Variants in TONSL observed in about 807,000 individuals in gnomAD.
The protein encoded by TONSL is tonsoku-like protein.
Under a neutral mutation model 147.1 loss-of-function variants are expected in TONSL, and 112 were observed. The ratio of observed to expected loss-of-function variants is 0.76; its 90% CI spans 0.65 to 0.89. The LOEUF (loss-of-function observed/expected upper bound fraction) is 0.89. Among genes scored for constraint, TONSL ranks in the 40% least tolerant of loss-of-function variants. The probability of loss-of-function intolerance (pLI) is 0.00; values close to 1 mark genes in which losing one functional copy is unlikely to be tolerated. For missense variants in TONSL, 1,883 were observed against 1,864.6 expected (o/e 1.01, Z -0.18); for synonymous variants, 868 against 801.5 (o/e 1.08, Z -1.40).
Position 144,442,723 on chromosome 8 carries a change from T to C in TONSL, c.532A>G (p.Thr178Ala), listed in dbSNP as rs1348708443. ...CTGAAGTAATCGTTGCACAGGGCTG[T>C]CTGCTGCAGGCTCTCAAAGGTGAGG... is the stretch of plus-strand genomic sequence containing the variant. The part of the protein sequence containing the change: ...LGLTFESLQQ[T>A]ALCNDYFRKS... The change falls in exon 5 of 26, where the codon ACA becomes GCA. Residue 178 changes from threonine to alanine, a missense_variant. Physicochemically the swap from Thr to Ala is moderately conservative, Grantham distance 58. Coordinates refer to ENST00000409379, the MANE Select transcript of TONSL (RefSeq NM_013432.5). 6.2e-7 allele frequency: 1 copy of C among 1,613,008 alleles called. No individual in the cohort carries two copies. Among genetic ancestry groups the C allele is most frequent in the African/African-American group, 1.3e-5 (1 of 75,050 alleles).
chr8:144,431,134 G>A lies in TONSL; in HGVS notation c.3753C>T (p.Ala1251=). The A allele has an allele frequency of 2.5e-6, 4 of 1,614,106 alleles. No homozygotes were observed. In the South Asian group the frequency reaches 3.3e-5, roughly 13 times the overall value. The change falls in exon 24 of 26, where the codon GCC becomes GCT. Residue 1251 remains alanine (A), a synonymous_variant. Coordinates refer to ENST00000409379, the MANE Select transcript of TONSL (RefSeq NM_013432.5). ...GGTGGTTTGCAGACAGGGTCAGGTG[G>A]GCTAGAGCACAGCCTTCCTGGACAT... The part of the protein sequence containing the change: ...RYLAKEGCAL[A]HLTLSANHLG...
chr8:144,437,513 C>G (rs1180787390), intron 13 of TONSL, among the ~76,000 whole-genome samples: 3 of 152,058 alleles, frequency 2.0e-5, no homozygotes, highest in Non-Finnish European at 4.4e-5. Flanking sequence ...AGGCTGGTCT[C>G]AAGCTCCTGA....
At position 144,441,065 on chromosome 8, in the gene TONSL, G is replaced by C. The variant is rs937067257; in HGVS notation, c.912C>G (p.Gly304=). 1 of 1,612,794 alleles carries C rather than the reference G, an allele frequency of 6.2e-7. No homozygotes were observed. Among genetic ancestry groups the C allele is most frequent in the Non-Finnish European group, 8.5e-7 (1 of 1,179,992 alleles). ...RLQQQLEEAE[G]RDPQGAMVIC... is the part of the protein sequence containing the mutation. Reference sequence around the variant, plus strand: ...TGACCATGGCACCCTGAGGGTCTCTGCCCTCAGCCTCTTCCAGCTGTTGCT... The same window carrying C: ...TGACCATGGCACCCTGAGGGTCTCTCCCCTCAGCCTCTTCCAGCTGTTGCT... Residue 304 remains glycine, a synonymous_variant, in exon 8 of 26, where the codon GGC becomes GGG. Transcript: ENST00000409379.
At chr8:144,441,724 G>A (rs1823727682) in intron 7 of TONSL, 1 of 330,590 alleles carries the variant, frequency 3.0e-6, no homozygotes, top group African/African-American at 2.2e-5. Context: ...ACCCTGGGAG[G>A]CTAGGGGTAC....
chr8:144,438,083 T>TG (rs948333940), intron 13 of TONSL: 1 of 240,074 alleles, frequency 4.2e-6, no homozygotes, highest in Non-Finnish European at 8.2e-6. Context: ...TTAAATTTCT[T>TG]GGAGACAAGG....
chr8:144,435,950 T>C lies in TONSL; in HGVS notation c.2483A>G (p.Glu828Gly). ...LAPQAALIPEEECLAGDWLEL... is the reference protein window; with the variant it reads ...LAPQAALIPEGECLAGDWLEL... ...CAGCCAGTCCCCGGCCAGGCACTCCTCCTCCGGGATGAGCGCTGCCTGGGG... is the reference window on the plus strand; with the variant it reads ...CAGCCAGTCCCCGGCCAGGCACTCCCCCTCCGGGATGAGCGCTGCCTGGGG... Residue 828 changes from glutamate (E) to glycine (G), a missense_variant, in exon 17 of 26, where the codon GAG (glutamate) becomes GGG (glycine). By Grantham distance (98) the Glu-to-Gly change is moderately conservative. Transcript: ENST00000409379. 1 of 1,562,278 alleles carries C rather than the reference T, an allele frequency of 6.4e-7. No individual in the cohort carries two copies. Among genetic ancestry groups the C allele is most frequent in the Non-Finnish European group, 8.7e-7 (1 of 1,152,766 alleles).
At position 144,436,622 on chromosome 8, in the gene TONSL, G is replaced by A; in HGVS notation, c.1950C>T (p.Asp650=). The A allele has an allele frequency of 6.2e-7, 1 of 1,612,082 alleles. No homozygotes were observed. Among genetic ancestry groups the A allele is most frequent in the Non-Finnish European group, 8.5e-7 (1 of 1,179,940 alleles). The change falls in exon 16 of 26, where the codon GAC becomes GAT. Residue 650 remains aspartate (D), a synonymous_variant. Transcript: ENST00000409379. ...QWVKLYRRDL[D]LETRQKARAM... ...CCCTGGCCTTCTGCCGCGTCTCCAG[G>A]TCCAGGTCCCTGCGGTACAGCTTCA...
At position 144,436,763 on chromosome 8, in the gene TONSL, A is replaced by G. The variant is rs1263118260; in HGVS notation, c.1884T>C (p.Thr628=). 2.5e-6 allele frequency: 4 copies of G among 1,610,596 alleles called. No individual in the cohort carries two copies. Among genetic ancestry groups the G allele is most frequent in the Non-Finnish European group, 3.4e-6 (4 of 1,179,400 alleles). The part of the protein sequence containing the change: ...LERGASVTLR[T]RKGLSPLETL... ...TCTGCCCCACCAGGCTCACCTTTCG[A>G]GTGCGGAGGGTGACGGACGCCCCCC... The change falls in exon 15 of 26, where the codon ACT becomes ACC. Residue 628 remains threonine (T), a synonymous_variant. Transcript: ENST00000409379.
chr8:144,443,977 G>C lies in TONSL; in HGVS notation c.169C>G (p.Arg57Gly). 12 of 1,540,844 alleles carry C rather than the reference G, an allele frequency of 7.8e-6. No homozygotes were observed. Among genetic ancestry groups the C allele is most frequent in the Non-Finnish European group, 1.0e-5 (12 of 1,146,616 alleles). The change falls in exon 3 of 26, where the codon CGG (arginine) becomes GGG (glycine). Residue 57 changes from arginine to glycine, a missense_variant. Arg to Gly is a moderately radical substitution (Grantham distance 125). Coordinates refer to ENST00000409379, the MANE Select transcript of TONSL (RefSeq NM_013432.5). ...LEQHWQELQL[R>G]ERADDPLGCA... ...CCCAGAGGGTCGTCAGCGCGCTCCC[G>C]AAGCTGCAGCTCCTGCCAGTGCTGC...
intron 5 of TONSL, 114 bp downstream of exon 5, chr8:144,442,563 G>T (rs575457312): frequency 1.3e-6 from 2 of 1,501,788 alleles, no homozygotes; most frequent in Admixed American, 2.0e-5. Flanking sequence ...GAGGTGGGGG[G>T]ATGAGGCCCA....
chr8:144,438,660 C>A lies in TONSL; in HGVS notation c.1556G>T (p.Gly519Val), dbSNP rs1315443622. 18 of 1,613,046 alleles carry A rather than the reference C, an allele frequency of 1.1e-5. No individual in the cohort carries two copies. The change falls in exon 12 of 26, where the codon GGG becomes GTG. Residue 519 changes from glycine to valine, a missense_variant. Transcript: ENST00000409379. ...ELQGHLGRRK[G>V]SKWNRRNDMG... ...GCAGGGCACTGTCCTCACCTTGCTC[C>A]CCTTCCGCCGGCCCAGGTGGCCCTG... is the stretch of plus-strand genomic sequence containing the variant.
Position 144,435,747 on chromosome 8 carries a change from T to A in TONSL, c.2686A>T (p.Ser896Cys). 1 of 1,612,876 alleles carries A rather than the reference T, an allele frequency of 6.2e-7. No individual in the cohort carries two copies. The highest frequency in any genetic ancestry group is 8.5e-7 in the Non-Finnish European group (1 of 1,179,906). The change falls in exon 17 of 26, where the codon AGC becomes TGC. Residue 896 changes from serine (S) to cysteine (C), a missense_variant. By Grantham distance (112) the Ser-to-Cys change is moderately radical. Transcript: ENST00000409379. ...SCSAPVNAGP[S>C]SLASEPPGSP... The stretch of plus-strand genomic sequence containing the variant: ...CCTGGAGGTTCTGAAGCCAGGCTGC[T>A]GGGCCCTGCGTTAACTGGCGCACTG...
intron 13 of TONSL, chr8:144,437,885 C>T (rs572488288): frequency 2.6e-4 from 42 of 161,134 alleles, no homozygotes; most frequent in Admixed American, 1.3e-3. Context: ...GGATTATAGA[C>T]ATAAGCCACT....
chr8:144,440,557 A>G, intron 9 of TONSL, 81 bp from the exon 10 acceptor site: 1 of 1,528,528 alleles, frequency 6.5e-7, no homozygotes, highest in Non-Finnish European at 8.8e-7. Context: ...CCGGCTGCCC[A>G]GACGAAATGG....
At position 144,442,261 on chromosome 8, in the gene TONSL, A is replaced by G. The variant is rs1586697057; in HGVS notation, c.730T>C (p.Cys244Arg). 1 of 1,590,066 alleles carries G rather than the reference A, an allele frequency of 6.3e-7. No homozygotes were observed. Among genetic ancestry groups the G allele is most frequent in the Non-Finnish European group, 8.6e-7 (1 of 1,164,102 alleles). The change falls in exon 6 of 26, where the codon TGC becomes CGC. Residue 244 changes from cysteine (C) to arginine (R), a missense_variant. By Grantham distance (180) the Cys-to-Arg change is radical. Coordinates refer to ENST00000409379, the MANE Select transcript of TONSL (RefSeq NM_013432.5). ...GGTACCTGTGCAATAACCACGCAGCACTCGCTCTCCATGAACCGCTTCCTC... is the reference window on the plus strand; with the variant it reads ...GGTACCTGTGCAATAACCACGCAGCGCTCGCTCTCCATGAACCGCTTCCTC... Reference protein sequence around the residue: ...TMRKRFMESECCVVIAQVLQD... With the variant: ...TMRKRFMESERCVVIAQVLQD...
chr8:144,435,393 C>T, intron 18 of TONSL, 81 bp downstream of exon 18: 1 of 1,348,448 alleles, frequency 7.4e-7, no homozygotes, highest in Non-Finnish European at 1.0e-6. Context: ...TCGTCACACG[C>T]CCCACCCTGA....
rs373966287 is a variant in TONSL at position 144,442,284 on chromosome 8, C to G, written c.707G>C (p.Arg236Thr). ...EGARECAHTMRKRFMESECCV... is the reference protein window; with the variant it reads ...EGARECAHTMTKRFMESECCV... ...GCACTCGCTCTCCATGAACCGCTTCCTCATGGTGTGCGCACACTCCCGGGC... is the reference window on the plus strand; with the variant it reads ...GCACTCGCTCTCCATGAACCGCTTCGTCATGGTGTGCGCACACTCCCGGGC... Residue 236 changes from arginine to threonine, a missense_variant, in exon 6 of 26, where the codon AGG becomes ACG. Arg to Thr is a moderately conservative substitution (Grantham distance 71, BLOSUM62 -1). Coordinates refer to ENST00000409379, the MANE Select transcript of TONSL (RefSeq NM_013432.5). 6.3e-7 allele frequency: 1 copy of G among 1,597,526 alleles called. No individual in the cohort carries two copies. The highest frequency in any genetic ancestry group is 8.6e-7 in the Non-Finnish European group (1 of 1,168,470).
rs547875792 is a variant in TONSL, at chr8:144,442,381, C to T, written c.610G>A (p.Ala204Thr). ...TGGATGGTGCCCAGGTTGTAGCGGGCGCGGAATAGGTCCTCGTAAAGGTGG... is the reference window on the plus strand; with the variant it reads ...TGGATGGTGCCCAGGTTGTAGCGGGTGCGGAATAGGTCCTCGTAAAGGTGG... ...QNHLYEDLFR[A>T]RYNLGTIHWR... Residue 204 changes from alanine to threonine, a missense_variant, in exon 6 of 26, where the codon GCC (alanine) becomes ACC (threonine). Physicochemically the swap from Ala to Thr is moderately conservative, Grantham distance 58. Coordinates refer to ENST00000409379, the MANE Select transcript of TONSL (RefSeq NM_013432.5). 33 of 1,571,498 alleles carry T rather than the reference C, an allele frequency of 2.1e-5. No homozygotes were observed. In the East Asian group the frequency reaches 2.7e-4, roughly 13 times the overall value.
chr8:144,432,377 C>T lies in TONSL; in HGVS notation c.3643G>A (p.Ala1215Thr), dbSNP rs376729658. Residue 1215 changes from alanine to threonine, a missense_variant, in exon 23 of 26, where the codon GCC becomes ACC. Coordinates refer to ENST00000409379, the MANE Select transcript of TONSL (RefSeq NM_013432.5). ...AGCTCTAAGTGCAGGAGGGTGCCGG[C>T]GGGCAGGCTCTGCAGGGTCCTGGCC... ...ALARTLQSLP[A>T]GTLLHLELSS... 1.9e-5 allele frequency: 30 copies of T among 1,612,038 alleles called. 2 individuals are homozygous for T. The Middle Eastern group carries it at 4.9e-4, about 27-fold the overall frequency.
Sources: gnomAD v4.1 joint callset for allele counts (sites outside exome capture counted in the v4.1 genomes callset) on GRCh38, gnomAD v4.1.1 for gene constraint, MANE v1.5 for transcripts, NCBI Gene and HGNC (gene_info 2026-07-23, HGNC 2026-07-21) for gene names.